Variants in MATN1 observed in about 807,000 individuals in gnomAD.
MATN1 encodes matrilin-1.
Under a neutral mutation model 41.3 loss-of-function variants are expected in MATN1, and 34 were observed. The ratio of observed to expected loss-of-function variants is 0.82; its 90% CI spans 0.63 to 1.10. MATN1 has a LOEUF of 1.10. MATN1 is among the 50% of genes least tolerant of loss of function. The pLI is 0.00. For missense variants in MATN1, 602 were observed against 662.4 expected, an observed-to-expected ratio of 0.91 and a Z score of 1.00; for synonymous variants, 264 against 278.7, an observed-to-expected ratio of 0.95 and a Z score of 0.53.
chr1:30,714,322 C>T lies in MATN1; in HGVS notation c.1366G>A (p.Asp456Asn), dbSNP rs1639590145. 3 of 1,609,812 alleles carry T rather than the reference C, an allele frequency of 1.9e-6. No homozygotes were observed. The highest frequency in any genetic ancestry group is 2.5e-6 in the Non-Finnish European group (3 of 1,178,048). Residue 456 changes from aspartate (D) to asparagine (N), a missense_variant, in exon 7 of 8, where the codon GAC becomes AAC. Asp to Asn is a conservative substitution (Grantham distance 23, BLOSUM62 1). Transcript: ENST00000373765. ...ACCAGGGACTCGCAGGCACACGGGT[C>T]TTCCTCTGCAGGGGACAAGGAGGAG... ...KLQKKICVEE[D>N]PCACESLVKF...
intron 1 of MATN1, among the ~76,000 whole-genome samples, 183 bp downstream of exon 1, chr1:30,723,275 T>C (rs1639718459): frequency 6.6e-6 from 1 of 152,158 alleles, no homozygotes; most frequent in Admixed American, 6.5e-5. Flanking sequence ...ACCCCTGCCC[T>C]GACCCTTATA....
Position 30,716,871 on chromosome 1 carries a change from C to G in MATN1, c.709G>C (p.Val237Leu). 6.2e-7 allele frequency: 1 copy of G among 1,613,836 alleles called. No homozygotes were observed. The highest frequency in any genetic ancestry group is 8.5e-7 in the Non-Finnish European group (1 of 1,179,890). The change falls in exon 4 of 8, where the codon GTG becomes CTG. Residue 237 changes from valine (V) to leucine (L), a missense_variant. Coordinates refer to ENST00000373765, the MANE Select transcript of MATN1 (RefSeq NM_002379.3). ...CATGDHDCEQ[V>L]CISSPGSYTC... is the part of the protein sequence containing the mutation. ...TAGGAACCGGGGGAGCTGATGCACA[C>G]CTGCTCACAGTCATGGTCCCCTGTG... is the stretch of plus-strand genomic sequence containing the variant.
At position 30,713,035 on chromosome 1, in the gene MATN1, T is replaced by C. The variant is rs938203199; in HGVS notation, c.*547A>G. The C allele has an allele frequency of 6.5e-6, 1 of 154,164 alleles. No individual in the cohort carries two copies. Among genetic ancestry groups the C allele is most frequent in the African/African-American group, 2.4e-5 (1 of 41,438 alleles). 9.5% of individuals were successfully genotyped at this position (154,164 alleles called of 1,614,324 possible). A position where few individuals can be genotyped will look rare whatever the true frequency, so the allele number is the denominator to read the frequency against. ...CAAACACCAGCTGGTTTTGGTGTGG[T>C]CACTGTCATCACTGTCACCACCACT... On this transcript the variant is annotated 3_prime_UTR_variant, in exon 8 of 8. Transcript: ENST00000373765.
At chr1:30,719,742 T>G (rs1475411808) in intron 2 of MATN1, 5 of 153,246 alleles carry the variant, frequency 3.3e-5, no homozygotes, top group African/African-American at 1.2e-4. Context: ...CTGCCCAGTC[T>G]GGGTTAGGCA....
chr1:30,716,186 C>G lies in MATN1; in HGVS notation c.930G>C (p.Lys310Asn), dbSNP rs1317589705. Residue 310 changes from lysine (K) to asparagine (N), a missense_variant, in exon 5 of 8, where the codon AAG (lysine) becomes AAC (asparagine). Lys to Asn is a moderately conservative substitution (Grantham distance 94). Transcript: ENST00000373765. ...ACTGCACCAGCCCCACCTGGGCCAG[C>G]TTGTCTGACACGTCCAGCGTATCCA... ...QIVDTLDVSDKLAQVGLVQYS... is the reference protein window; with the variant it reads ...QIVDTLDVSDNLAQVGLVQYS... 1 of 1,614,104 alleles carries G rather than the reference C, an allele frequency of 6.2e-7. No individual in the cohort carries two copies. The highest frequency in any genetic ancestry group is 1.3e-5 in the African/African-American group (1 of 74,932).
intron 1 of MATN1, among the ~76,000 whole-genome samples, chr1:30,722,954 G>A (rs953454558): frequency 5.9e-5 from 9 of 152,312 alleles, no homozygotes; most frequent in Admixed American, 1.3e-4. Flanking sequence ...CTATCTCACT[G>A]TGTGGTCTTA....
rs539434005 is a variant in MATN1, at chr1:30,719,326, C to CG, written c.442-370dup. The CG allele has an allele frequency of 8.5e-4, 207 of 242,372 alleles. 1 individual carries two copies. Among genetic ancestry groups the CG allele is most frequent in the African/African-American group, 3.7e-3 (167 of 44,688 alleles). The allele number at this position is 242,372 out of a possible 1,614,324, so 15.0% of individuals were successfully genotyped here. A position where few individuals can be genotyped will look rare whatever the true frequency, so the allele number is the denominator to read the frequency against. On this transcript the variant is annotated intron_variant, in intron 2 of 7. Coordinates refer to ENST00000373765, the MANE Select transcript of MATN1 (RefSeq NM_002379.3). Reference sequence around the variant, plus strand: ...AGTCGTGCCACGCCCCTCGTGCCCCCGGGAGGCCCGGCCGGGGCTGGGTGG... The same window carrying CG: ...AGTCGTGCCACGCCCCTCGTGCCCCCGGGGAGGCCCGGCCGGGGCTGGGTGG...
In MATN1 at chr1:30,718,410, C is replaced by T. The variant is rs150409797; in HGVS notation, c.664+325G>A. The T allele has an allele frequency of 3.4e-3, 887 of 260,708 alleles. 16 individuals are homozygous for T. In the East Asian group the frequency reaches 0.043, roughly 13 times the overall value. 16.1% of individuals were successfully genotyped at this position (260,708 alleles called of 1,614,324 possible). ...GACTGTCTCCGTCTTCGCCCCTGCC[C>T]TGGCCCCGCCCCCTGCCTGCTCTGG... On this transcript the variant is annotated intron_variant, in intron 3 of 7. Transcript: ENST00000373765.
At chr1:30,719,245 C>G (rs1442000317) in intron 2 of MATN1, 1 of 412,794 alleles carries the variant, frequency 2.4e-6, no homozygotes, top group East Asian at 3.9e-5. Flanking sequence ...CAGGGCCATG[C>G]CTTCCCCTCA....
Position 30,721,642 on chromosome 1 carries a change from G to A in MATN1, c.204C>T (p.Ile68=), listed in dbSNP as rs150728572. The stretch of plus-strand genomic sequence containing the variant: ...CATTGGGCCCCACGTCCAGCGACTC[G>A]ATGACCTGGGACAGGAATACCTTCA... ...EKVKVFLSQV[I]ESLDVGPNAT... is the part of the protein sequence containing the mutation. Residue 68 remains isoleucine (I), a synonymous_variant, in exon 2 of 8, where the codon ATC becomes ATT. Coordinates refer to ENST00000373765, the MANE Select transcript of MATN1 (RefSeq NM_002379.3). 1,381 of 1,613,504 alleles carry A rather than the reference G, an allele frequency of 8.6e-4. 7 individuals are homozygous for A. Among genetic ancestry groups the A allele is most frequent in the Middle Eastern group, 8.4e-3 (51 of 6,062 alleles).
Position 30,723,043 on chromosome 1 carries a change from TG to T in MATN1, c.94+414del, listed in dbSNP as rs924832564. Among the ~76,000 whole-genome samples, 7 of 152,198 alleles carry T rather than the reference TG, an allele frequency of 4.6e-5. No homozygotes were observed. In the East Asian group the frequency reaches 5.8e-4, roughly 13 times the overall value. On this transcript the variant is annotated intron_variant, in intron 1 of 7. Coordinates refer to ENST00000373765, the MANE Select transcript of MATN1 (RefSeq NM_002379.3). ...GACTCAGTGCCCAAACCTGAAACTC[TG>T]GGGGGTGTTATTGCCCCCAGGGAGC...
intron 4 of MATN1, 117 bp downstream of exon 4, chr1:30,716,673 G>C: frequency 7.2e-7 from 1 of 1,393,290 alleles, no homozygotes; most frequent in Non-Finnish European, 9.6e-7. Context: ...GCATCTGTCT[G>C]CTTTGAAGAT....
Position 30,718,757 on chromosome 1 carries a change from C to T in MATN1, c.642G>A (p.Arg214=). The change falls in exon 3 of 8, where the codon AGG becomes AGA. Residue 214 remains arginine, a synonymous_variant. Transcript: ENST00000373765. The part of the protein sequence containing the change: ...ESYSVIEKLS[R]KFQEAFCVVS... ...CACCGCAGAAGGCCTCCTGGAACTTCCTGGACAGCTTCTCGATGACGCTGT... is the reference window on the plus strand; with the variant it reads ...CACCGCAGAAGGCCTCCTGGAACTTTCTGGACAGCTTCTCGATGACGCTGT... 6.3e-7 allele frequency: 1 copy of T among 1,598,896 alleles called. No homozygotes were observed. The highest frequency in any genetic ancestry group is 8.5e-7 in the Non-Finnish European group (1 of 1,171,324).
rs10531531 is a variant in MATN1, at chr1:30,713,377, G to GCACA, written c.*201_*204dup. 34 of 551,736 alleles carry GCACA rather than the reference G, an allele frequency of 6.2e-5. No homozygotes were observed. Among genetic ancestry groups the GCACA allele is most frequent in the Admixed American group, 3.0e-4 (10 of 33,698 alleles). The allele number at this position is 551,736 out of a possible 1,614,324, so 34.2% of individuals were successfully genotyped here. A position where few individuals can be genotyped will look rare whatever the true frequency, so the allele number is the denominator to read the frequency against. ...CTCATGCCCACCCTCAGGCGCACGT[G>GCACA]CACACACACACACACACACACACAT... On this transcript the variant is annotated 3_prime_UTR_variant, in exon 8 of 8. Coordinates refer to ENST00000373765, the MANE Select transcript of MATN1 (RefSeq NM_002379.3).
intron 2 of MATN1, chr1:30,721,122 C>T (rs1004615615): frequency 7.0e-6 from 3 of 427,960 alleles, no homozygotes; most frequent in Non-Finnish European, 1.3e-5. Flanking sequence ...TCTGCAATGT[C>T]TTCAAGGGGC....
intron 6 of MATN1, 111 bp downstream of exon 6, chr1:30,715,045 TG>T: frequency 7.6e-7 from 1 of 1,309,010 alleles, no homozygotes; most frequent in Non-Finnish European, 1.1e-6. Context: ...TGCCAACTCT[TG>T]GTGCCACCTC....
At position 30,716,297 on chromosome 1, in the gene MATN1, G is replaced by A. The variant is rs2124153290; in HGVS notation, c.819C>T (p.Ala273=). The A allele has an allele frequency of 6.2e-7, 1 of 1,613,976 alleles. No individual in the cohort carries two copies. The highest frequency in any genetic ancestry group is 8.5e-7 in the Non-Finnish European group (1 of 1,179,896). Residue 273 remains alanine, a synonymous_variant, in exon 5 of 8, where the codon GCC becomes GCT. Transcript: ENST00000373765. ...NVCSGGGGSS[A]TDLVFLIDGS... ...CGTCAATGAGGAAGACCAGGTCAGTGGCCGAGCTGCCACCACCACCACTGC... is the reference window on the plus strand; with the variant it reads ...CGTCAATGAGGAAGACCAGGTCAGTAGCCGAGCTGCCACCACCACCACTGC...
At chr1:30,719,429 C>T in intron 2 of MATN1, 1 of 159,288 alleles carries the variant, frequency 6.3e-6, no homozygotes, top group South Asian at 1.8e-4. Context: ...GATGGGGCTG[C>T]CGTCTCCCGT....
At chr1:30,714,079 G>T in intron 7 of MATN1, 168 bp downstream of exon 7, 1 of 621,984 alleles carries the variant, frequency 1.6e-6, no homozygotes. Flanking sequence ...GCTTTTGACA[G>T]GGTGTGCACC....
Sources: gnomAD v4.1 joint callset for allele counts (sites outside exome capture counted in the v4.1 genomes callset) on GRCh38, gnomAD v4.1.1 for gene constraint, MANE v1.5 for transcripts, NCBI Gene and HGNC (gene_info 2026-07-23, HGNC 2026-07-21) for gene names.